Variants in RUNX2 observed in about 807,000 individuals in gnomAD.
The protein encoded by RUNX2 is runt-related transcription factor 2.
Under a neutral mutation model 51.7 loss-of-function variants are expected in RUNX2, and 10 were observed. The observed-to-expected ratio is 0.19, with a 90% confidence interval of 0.12 to 0.33. The LOEUF is 0.33. Among genes scored for constraint, RUNX2 ranks in the 10% least tolerant of loss-of-function variants. RUNX2 has a pLI of 1.00. For missense variants in RUNX2, 562 were observed against 691.3 expected (o/e 0.81, Z 2.10); for synonymous variants, 276 against 273.6 (o/e 1.01, Z -0.09).
chr6:45,477,267 C>CAA (rs1370607004), intron 5 of RUNX2, among the ~76,000 whole-genome samples: 1 of 152,210 alleles, frequency 6.6e-6, no homozygotes, highest in Non-Finnish European at 1.5e-5. Context: ...AGACACTTTT[C>CAA]TCCACTCGTT....
chr6:45,378,835 T>C (rs1050779797), intron 2 of RUNX2, among the ~76,000 whole-genome samples: 45 of 152,360 alleles, frequency 3.0e-4, no homozygotes, highest in African/African-American at 9.9e-4. Flanking sequence ...TTTCACTCTT[T>C]ATATTATATG....
intron 5 of RUNX2, among the ~76,000 whole-genome samples, chr6:45,445,556 A>G (rs1339139300): frequency 6.6e-6 from 1 of 152,154 alleles, no homozygotes; most frequent in Non-Finnish European, 1.5e-5. Flanking sequence ...AGCACAAAGC[A>G]TTAGTAGAGA....
chr6:45,487,471 T>C (rs926659787), intron 5 of RUNX2, among the ~76,000 whole-genome samples: 1 of 152,136 alleles, frequency 6.6e-6, no homozygotes, highest in Non-Finnish European at 1.5e-5. Context: ...AGAATTACAG[T>C]GAAAGTGAAT....
At chr6:45,375,073 G>A (rs1429889871) in intron 2 of RUNX2, among the ~76,000 whole-genome samples, 3 of 152,258 alleles carry the variant, frequency 2.0e-5, no homozygotes, top group South Asian at 2.1e-4. Context: ...CAGGCATGCT[G>A]GCATGTGCCT....
Position 45,422,742 on chromosome 6 carries a change from C to A in RUNX2, c.208C>A (p.Gln70Lys). ...GCAGCAGCAGCAACAGCAGCAGCAG[C>A]AGCAGGAGGCGGCGGCGGCGGCTGC... Reference protein sequence around the residue: ...QQQQQQQQQQQQEAAAAAAAA... With the variant: ...QQQQQQQQQQKQEAAAAAAAA... Residue 70 changes from glutamine to lysine, a missense_variant, in exon 3 of 9, where the codon CAG becomes AAG. Gln to Lys is a moderately conservative substitution (Grantham distance 53, BLOSUM62 1). This residue lies in a region of RUNX2 where 153 missense variants were observed against 144.8 expected (regional missense o/e 1.06). Transcript: ENST00000647337. The A allele has an allele frequency of 6.4e-7, 1 of 1,552,058 alleles. No individual in the cohort carries two copies. Among genetic ancestry groups the A allele is most frequent in the African/African-American group, 1.4e-5 (1 of 70,492 alleles).
intron 5 of RUNX2, among the ~76,000 whole-genome samples, chr6:45,444,370 CT>C (rs1798933679): frequency 6.6e-6 from 1 of 152,246 alleles, no homozygotes; most frequent in African/African-American, 2.4e-5. Flanking sequence ...AGCCAGCCAC[CT>C]GTCTCAACCT....
chr6:45,440,290 A>C (rs1041937003), intron 5 of RUNX2, among the ~76,000 whole-genome samples: 3 of 152,214 alleles, frequency 2.0e-5, no homozygotes, highest in Non-Finnish European at 4.4e-5. Flanking sequence ...TGGGCATTGA[A>C]TATTTGTAGC....
intron 6 of RUNX2, among the ~76,000 whole-genome samples, chr6:45,502,076 C>T (rs933586276): frequency 6.6e-6 from 1 of 152,170 alleles, no homozygotes; most frequent in Non-Finnish European, 1.5e-5. Context: ...TATAGGGAGG[C>T]ATATTTTACT....
chr6:45,441,948 G>A (rs1480149058), intron 5 of RUNX2, among the ~76,000 whole-genome samples: 1 of 152,218 alleles, frequency 6.6e-6, no homozygotes, highest in Non-Finnish European at 1.5e-5. Context: ...AGCTGAACCA[G>A]TGCTGTCACA....
intron 5 of RUNX2, among the ~76,000 whole-genome samples, chr6:45,445,238 C>A (rs183807345): frequency 6.6e-6 from 1 of 152,128 alleles, no homozygotes; most frequent in African/African-American, 2.4e-5. Flanking sequence ...GTTGGCCAGG[C>A]TGGTCTCAAA....
chr6:45,428,215 G>A (rs1798437487), intron 3 of RUNX2, among the ~76,000 whole-genome samples: 1 of 151,986 alleles, frequency 6.6e-6, no homozygotes, highest in Non-Finnish European at 1.5e-5. Flanking sequence ...TCCATTGCTT[G>A]GTTTTGGTAC....
In RUNX2 at chr6:45,548,175, C is replaced by T. The variant is rs552023232; in HGVS notation, c.*870C>T. On this transcript the variant is annotated 3_prime_UTR_variant, in exon 9 of 9. Transcript: ENST00000647337. ...TGTAAAATCTGAGGTAACTTGCTAACGTGAATGGTCATATAACTTTAAAGA... is the reference window on the plus strand; with the variant it reads ...TGTAAAATCTGAGGTAACTTGCTAATGTGAATGGTCATATAACTTTAAAGA... The T allele has an allele frequency of 5.2e-5, 8 of 152,390 alleles. No homozygotes were observed. The East Asian group carries it at 7.7e-4, about 15-fold the overall frequency. 9.4% of individuals were successfully genotyped at this position (152,390 alleles called of 1,614,324 possible). A position where few individuals can be genotyped will look rare whatever the true frequency, so the allele number is the denominator to read the frequency against.
At chr6:45,417,250 A>AT (rs796798258) in intron 2 of RUNX2, among the ~76,000 whole-genome samples, 1 of 152,130 alleles carries the variant, frequency 6.6e-6, no homozygotes, top group Non-Finnish European at 1.5e-5. Flanking sequence ...AACCTTACCT[A>AT]TTTTTTATGT....
At chr6:45,403,508 C>T (rs1797765333) in intron 2 of RUNX2, among the ~76,000 whole-genome samples, 1 of 152,194 alleles carries the variant, frequency 6.6e-6, no homozygotes, top group Non-Finnish European at 1.5e-5. Context: ...GCTGGGATTA[C>T]AGGCGTGAGC....
At chr6:45,469,173 C>T (rs896884180) in intron 5 of RUNX2, among the ~76,000 whole-genome samples, 7 of 152,146 alleles carry the variant, frequency 4.6e-5, no homozygotes, top group Middle Eastern at 3.2e-3. Flanking sequence ...CTATTACCTA[C>T]CAGCTTGTAA....
intron 7 of RUNX2, among the ~76,000 whole-genome samples, chr6:45,524,796 A>G (rs147216465): frequency 1.2e-4 from 19 of 152,330 alleles, no homozygotes; most frequent in African/African-American, 4.6e-4. Context: ...TTAGGAAAAC[A>G]GTACATTCTC....
chr6:45,512,298 C>G lies in RUNX2; in HGVS notation c.912C>G (p.Pro304=), dbSNP rs1801181027. The change falls in exon 7 of 9, where the codon CCC becomes CCG. Residue 304 remains proline, a synonymous_variant. Coordinates refer to ENST00000647337, the MANE Select transcript of RUNX2 (RefSeq NM_001024630.4). ...SPPWSYDQSY[P]SYLSQMTSPS... ...CGTGGTCCTATGACCAGTCTTACCC[C>G]TCCTACCTGAGCCAGATGACGTCCC... The G allele has an allele frequency of 2.5e-6, 4 of 1,614,022 alleles. No homozygotes were observed. The Admixed American group carries it at 6.7e-5, about 27-fold the overall frequency.
chr6:45,539,803 G>C (rs1192584262), intron 7 of RUNX2, among the ~76,000 whole-genome samples: 1 of 152,194 alleles, frequency 6.6e-6, no homozygotes, highest in Non-Finnish European at 1.5e-5. Context: ...GTAGGATCTG[G>C]AAGAAGAATA....
intron 5 of RUNX2, among the ~76,000 whole-genome samples, chr6:45,473,418 T>C (rs1397528091): frequency 6.6e-6 from 1 of 152,216 alleles, no homozygotes; most frequent in Non-Finnish European, 1.5e-5. Flanking sequence ...AAGTTGTTAC[T>C]TAACTTGGAA....
Sources: gnomAD v4.1 joint callset for allele counts (sites outside exome capture counted in the v4.1 genomes callset) on GRCh38, gnomAD v4.1.1 for gene constraint, gnomAD v4.1.1 regional missense constraint, MANE v1.5 for transcripts, NCBI Gene and HGNC (gene_info 2026-07-23, HGNC 2026-07-21) for gene names.